RFX4: variants seen among roughly 807,000 people sequenced by gnomAD.
The protein encoded by RFX4 is regulatory factor X4, also known as transcription factor RFX4.
In RFX4, 10 loss-of-function variants were observed where a neutral mutation model predicts 95.0. That is an observed-to-expected ratio of 0.11 (90% CI 0.06 to 0.18). The LOEUF (loss-of-function observed/expected upper bound fraction) is 0.18, where lower values mean the gene tolerates loss of function less well. Ranked by LOEUF, RFX4 falls within the 10% of genes least tolerant of loss-of-function variation. RFX4 has a pLI of 1.00. For synonymous variants in RFX4, 321 were observed against 340.7 expected (o/e 0.94, Z 0.64); for missense variants, 640 against 922.0 (o/e 0.69, Z 3.96).
At chr12:106,618,179 TTATAGATTATATACATATGTA>T (rs764506002) in intron 2 of RFX4, among the ~76,000 whole-genome samples, 257 of 152,276 alleles carry the variant, frequency 1.7e-3, no homozygotes, top group Non-Finnish European at 2.4e-3. Context: ...TTAACATACG[TTATAGATTATATACATATGTA>T]TATAGATTAT....
intron 8 of RFX4, among the ~76,000 whole-genome samples, chr12:106,697,838 G>A (rs2041910663): frequency 1.3e-5 from 2 of 152,038 alleles, no homozygotes; most frequent in African/African-American, 4.8e-5. Flanking sequence ...GGCAAGGGTG[G>A]ACATCTTTGC....
chr12:106,728,529 G>A (rs964589588), intron 13 of RFX4, among the ~76,000 whole-genome samples: 1 of 152,058 alleles, frequency 6.6e-6, no homozygotes, highest in Non-Finnish European at 1.5e-5. Context: ...ATCTAGTGGA[G>A]GAGGCATGCA....
At chr12:106,660,389 C>T (rs1273815730) in intron 4 of RFX4, among the ~76,000 whole-genome samples, 1 of 151,768 alleles carries the variant, frequency 6.6e-6, no homozygotes, top group Non-Finnish European at 1.5e-5. Flanking sequence ...CTCTCTCAGC[C>T]CACAACCCTG....
chr12:106,601,389 G>A lies in RFX4; in HGVS notation c.44-7408G>A, dbSNP rs2039706682. ...GGGACAGGAGACTGGGGTGGGCCTG[G>A]CACCCTCAGGGGGAACTGGGGCCAG... On this transcript the variant is annotated intron_variant, in intron 1 of 17. Transcript: ENST00000392842. The A allele has an allele frequency of 3.2e-6, 5 of 1,545,220 alleles. No homozygotes were observed. The East Asian group carries it at 1.2e-4, about 38-fold the overall frequency.
rs1747852826 is a variant in RFX4 at position 106,711,600 on chromosome 12, T to C, written c.993+89T>C. On this transcript the variant is annotated intron_variant, in intron 10 of 17. Coordinates refer to ENST00000392842, the MANE Select transcript of RFX4 (RefSeq NM_213594.3). Reference sequence around the variant, plus strand: ...ACAAAAACAACCTCCTGCAGGATCTTTCAGGTTAACAGGGCACTCTCTCTA... The same window carrying C: ...ACAAAAACAACCTCCTGCAGGATCTCTCAGGTTAACAGGGCACTCTCTCTA... 5 of 1,102,102 alleles carry C rather than the reference T, an allele frequency of 4.5e-6. No homozygotes were observed. The Admixed American group carries it at 8.7e-5, about 19-fold the overall frequency. 68.3% of individuals were successfully genotyped at this position (1,102,102 alleles called of 1,614,324 possible).
chr12:106,759,314 C>A (rs1222040321), intron 17 of RFX4, among the ~76,000 whole-genome samples: 2 of 151,898 alleles, frequency 1.3e-5, no homozygotes, highest in African/African-American at 2.4e-5. Context: ...TGGGAACCAG[C>A]TTGACATGCC....
At chr12:106,648,763 T>C (rs2040803840) in intron 3 of RFX4, among the ~76,000 whole-genome samples, 2 of 151,748 alleles carry the variant, frequency 1.3e-5, no homozygotes, top group Non-Finnish European at 2.9e-5. Context: ...GCTGCCCCCA[T>C]GCTATAAAAC....
At position 106,652,086 on chromosome 12, in the gene RFX4, G is replaced by A. The variant is rs536337892; in HGVS notation, c.192-2142G>A. ...CATACTGGACCTGAAACTTAGGACA[G>A]TCCTAAGAAACCTATTCTTTATGTG... On this transcript the variant is annotated intron_variant, in intron 3 of 17. Transcript: ENST00000392842. Among the ~76,000 whole-genome samples the A allele has an allele frequency of 2.0e-4, 30 of 152,324 alleles. 1 individual carries two copies. The South Asian group carries it at 5.8e-3, about 29-fold the overall frequency.
intron 2 of RFX4, 118 bp from the exon 3 acceptor site, chr12:106,639,214 T>A: frequency 1.3e-6 from 1 of 796,374 alleles, no homozygotes; most frequent in Non-Finnish European, 2.0e-6. Context: ...AAATATTGTT[T>A]CAAAGCATCA....
At chr12:106,622,772 C>T (rs2040211253) in intron 2 of RFX4, among the ~76,000 whole-genome samples, 1 of 152,018 alleles carries the variant, frequency 6.6e-6, no homozygotes, top group African/African-American at 2.4e-5. Context: ...AGGCACGTGC[C>T]ACCACGTCCA....
chr12:106,732,179 G>C lies in RFX4; in HGVS notation c.1401G>C (p.Leu467=). The C allele has an allele frequency of 6.2e-7, 1 of 1,613,962 alleles. No homozygotes were observed. The highest frequency in any genetic ancestry group is 8.5e-7 in the Non-Finnish European group (1 of 1,179,900). Residue 467 remains leucine (L), a synonymous_variant, in exon 14 of 18, where the codon CTG becomes CTC. Transcript: ENST00000392842. ...TGTTTGATGACTACGTGCTCTACCT[G>C]TTAGAATCTCTGCACTGTCAGGAGC... ...HLMFDDYVLY[L]LESLHCQERA... is the part of the protein sequence containing the mutation.
chr12:106,726,564 C>T (rs936548585), intron 13 of RFX4, among the ~76,000 whole-genome samples: 1 of 152,190 alleles, frequency 6.6e-6, no homozygotes, highest in African/African-American at 2.4e-5. Flanking sequence ...CCTTAGCATA[C>T]TTTATTCCTT....
intron 7 of RFX4, chr12:106,693,011 C>T (rs2041813090): frequency 3.1e-6 from 1 of 321,460 alleles, no homozygotes; most frequent in Admixed American, 3.5e-5. Flanking sequence ...CCACTCCCCT[C>T]CACCCAATTG....
intron 3 of RFX4, among the ~76,000 whole-genome samples, chr12:106,648,681 G>A (rs949325573): frequency 7.7e-6 from 1 of 129,620 alleles, no homozygotes; most frequent in Non-Finnish European, 1.6e-5. Flanking sequence ...TTCTTGACAT[G>A]TGTGCAAGAA....
chr12:106,657,775 C>A, intron 4 of RFX4, among the ~76,000 whole-genome samples: 1 of 152,136 alleles, frequency 6.6e-6, no homozygotes, highest in Non-Finnish European at 1.5e-5. Flanking sequence ...AATCATCATT[C>A]TCTAAATGAT....
intron 8 of RFX4, among the ~76,000 whole-genome samples, chr12:106,702,564 G>A (rs558711622): frequency 6.6e-6 from 1 of 152,298 alleles, no homozygotes; most frequent in East Asian, 1.9e-4. Context: ...AGCTGGAAGT[G>A]GGGATGTGGG....
chr12:106,759,136 G>A (rs1274327057), intron 17 of RFX4, among the ~76,000 whole-genome samples: 1 of 152,202 alleles, frequency 6.6e-6, no homozygotes, highest in African/African-American at 2.4e-5. Flanking sequence ...CACAGGCTGG[G>A]GTGTTTAGGT....
intron 1 of RFX4, 99 bp from the exon 2 acceptor site, chr12:106,608,697 GC>G (rs1200544889): frequency 7.5e-6 from 8 of 1,064,714 alleles, no homozygotes; most frequent in Non-Finnish European, 9.3e-6. Context: ...TAAATCTAAT[GC>G]ATTTATGATG....
At chr12:106,651,453 G>C (rs901659815) in intron 3 of RFX4, among the ~76,000 whole-genome samples, 4 of 150,796 alleles carry the variant, frequency 2.7e-5, no homozygotes, top group African/African-American at 9.7e-5. Flanking sequence ...GATGCTAACT[G>C]TTGTTGTTAC....
Sources: gnomAD v4.1 joint callset for allele counts (sites outside exome capture counted in the v4.1 genomes callset) on GRCh38, gnomAD v4.1.1 for gene constraint, MANE v1.5 for transcripts, NCBI Gene and HGNC (gene_info 2026-07-23, HGNC 2026-07-21) for gene names.